Variants in PITPNC1 observed in about 807,000 individuals in gnomAD.
PITPNC1 encodes cytoplasmic phosphatidylinositol transfer protein 1.
Under a neutral mutation model 44.7 loss-of-function variants are expected in PITPNC1, and 18 were observed. That is an observed-to-expected ratio of 0.40 (90% CI 0.28 to 0.60). PITPNC1 has a LOEUF of 0.60. Ranked by LOEUF, PITPNC1 falls within the 20% of genes least tolerant of loss-of-function variation. The probability of loss-of-function intolerance (pLI) is 0.39; values close to 1 mark genes in which losing one functional copy is unlikely to be tolerated. For synonymous variants in PITPNC1, 141 were observed against 149.6 expected, an observed-to-expected ratio of 0.94 and a Z score of 0.42; for missense variants, 290 against 418.4, an observed-to-expected ratio of 0.69 and a Z score of 2.68.
Position 67,636,425 on chromosome 17 carries a change from C to T in PITPNC1, c.462+4187C>T, listed in dbSNP as rs557384571. Among the ~76,000 whole-genome samples, 14 of 152,314 alleles carry T rather than the reference C, an allele frequency of 9.2e-5. No individual in the cohort carries two copies. In the East Asian group the frequency reaches 1.7e-3, roughly 19 times the overall value. On this transcript the variant is annotated intron_variant, in intron 6 of 8. Transcript: ENST00000581322. ...TTGACGCTCAGGGCCACCCCTGGCC[C>T]GCCCTGGAGTCTTACGGTTACTAAA...
At chr17:67,427,440 C>T (rs2038785699) in intron 1 of PITPNC1, among the ~76,000 whole-genome samples, 1 of 152,084 alleles carries the variant, frequency 6.6e-6, no homozygotes, top group South Asian at 2.1e-4. Context: ...TCTTGATCTC[C>T]TGACCTTGTG....
intron 1 of PITPNC1, among the ~76,000 whole-genome samples, chr17:67,396,513 G>A (rs1263971659): frequency 6.6e-6 from 1 of 151,934 alleles, no homozygotes; most frequent in Non-Finnish European, 1.5e-5. Flanking sequence ...TGGGATTACA[G>A]GCACCGGCCA....
chr17:67,562,660 T>A (rs887808981), intron 4 of PITPNC1, among the ~76,000 whole-genome samples: 1 of 152,068 alleles, frequency 6.6e-6, no homozygotes, highest in African/African-American at 2.4e-5. Flanking sequence ...AAGTCATACG[T>A]AACCCTCACA....
chr17:67,425,335 CAG>C (rs1192715159), intron 1 of PITPNC1, among the ~76,000 whole-genome samples: 1 of 151,494 alleles, frequency 6.6e-6, no homozygotes, highest in East Asian at 2.0e-4. Context: ...ATGAACCCCT[CAG>C]AAATGGTCAC....
At chr17:67,395,843 T>C (rs2038212234) in intron 1 of PITPNC1, among the ~76,000 whole-genome samples, 2 of 152,316 alleles carry the variant, frequency 1.3e-5, no homozygotes, top group South Asian at 4.1e-4. Flanking sequence ...CATTTAGTCA[T>C]CGGGGTACAG....
chr17:67,585,868 G>T (rs77015389), intron 5 of PITPNC1, among the ~76,000 whole-genome samples: 11,076 of 152,250 alleles, frequency 0.073, 445 homozygotes, highest in South Asian at 0.11. Context: ...GCAGCCATCC[G>T]CAAGTCAAGG....
At chr17:67,432,605 A>G (rs1484119969) in intron 1 of PITPNC1, among the ~76,000 whole-genome samples, 1 of 152,216 alleles carries the variant, frequency 6.6e-6, no homozygotes, top group Admixed American at 6.5e-5. Context: ...TTTTTGTGAT[A>G]TCTGCCACCA....
chr17:67,437,335 TAGAG>T (rs1018908165), intron 1 of PITPNC1, among the ~76,000 whole-genome samples: 12 of 151,888 alleles, frequency 7.9e-5, no homozygotes, highest in East Asian at 1.9e-4. Flanking sequence ...GGAGCGGACA[TAGAG>T]AGACACAGGG....
chr17:67,450,550 C>T (rs996105535), intron 1 of PITPNC1, among the ~76,000 whole-genome samples: 12 of 152,002 alleles, frequency 7.9e-5, no homozygotes, highest in East Asian at 1.9e-4. Context: ...CTCAGCCTCT[C>T]GAGTAGCTGG....
chr17:67,633,463 C>T (rs892323062), intron 6 of PITPNC1, among the ~76,000 whole-genome samples: 7 of 152,182 alleles, frequency 4.6e-5, no homozygotes, highest in East Asian at 1.9e-4. Context: ...TAATTGCAGG[C>T]GCTTATGTTC....
intron 8 of PITPNC1, among the ~76,000 whole-genome samples, chr17:67,680,448 A>T (rs978116827): frequency 2.0e-5 from 3 of 152,076 alleles, no homozygotes; most frequent in African/African-American, 7.2e-5. Flanking sequence ...GAAAATACAA[A>T]AGTTAGCTAG....
intron 1 of PITPNC1, among the ~76,000 whole-genome samples, chr17:67,406,921 C>T (rs1256890014): frequency 6.6e-6 from 1 of 152,160 alleles, no homozygotes; most frequent in Non-Finnish European, 1.5e-5. Flanking sequence ...TATGGATATA[C>T]ATATATATTT....
At position 67,377,910 on chromosome 17, in the gene PITPNC1, C is replaced by T; in HGVS notation, c.-245C>T. The T allele has an allele frequency of 2.5e-6, 1 of 404,068 alleles. No individual in the cohort carries two copies. Among genetic ancestry groups the T allele is most frequent in the Non-Finnish European group, 4.4e-6 (1 of 229,882 alleles). The allele number at this position is 404,068 out of a possible 1,614,324, so 25.0% of individuals were successfully genotyped here. A position where few individuals can be genotyped will look rare whatever the true frequency, so the allele number is the denominator to read the frequency against. On this transcript the variant is annotated 5_prime_UTR_variant, in exon 1 of 9. Coordinates refer to ENST00000581322, the MANE Select transcript of PITPNC1 (RefSeq NM_012417.4). ...CTGCCTCCCTGACTTTGCAACACCG[C>T]GTTCCGGGAGGACCGGCCTCGGCGA...
intron 1 of PITPNC1, among the ~76,000 whole-genome samples, chr17:67,382,745 C>T (rs2037981983): frequency 6.6e-6 from 1 of 152,056 alleles, no homozygotes; most frequent in African/African-American, 2.4e-5. Flanking sequence ...CTGCCTCAGC[C>T]TCCCGAGTAG....
intron 5 of PITPNC1, among the ~76,000 whole-genome samples, chr17:67,611,089 C>T (rs953301000): frequency 6.6e-6 from 1 of 152,144 alleles, no homozygotes; most frequent in African/African-American, 2.4e-5. Flanking sequence ...TTCAGTCTAA[C>T]AGTTCAGTTC....
Position 67,509,451 on chromosome 17 carries a change from C to T in PITPNC1, c.49-23351C>T, listed in dbSNP as rs554853409. ...ACTTGGGAGGCTGAGGCAGAAGAAT[C>T]GCTTGAACCCAGGAGGTGGAGGTTG... On this transcript the variant is annotated intron_variant, in intron 1 of 8. Coordinates refer to ENST00000581322, the MANE Select transcript of PITPNC1 (RefSeq NM_012417.4). Among the ~76,000 whole-genome samples the T allele has an allele frequency of 1.2e-4, 18 of 151,946 alleles. No individual in the cohort carries two copies. In the East Asian group the frequency reaches 1.9e-3, roughly 16 times the overall value.
chr17:67,475,942 C>A (rs942533895), intron 1 of PITPNC1, among the ~76,000 whole-genome samples: 17 of 152,126 alleles, frequency 1.1e-4, no homozygotes, highest in Non-Finnish European at 2.1e-4. Context: ...GTAAAAAAAC[C>A]CCAGTGTCTC....
intron 4 of PITPNC1, among the ~76,000 whole-genome samples, chr17:67,573,813 G>A (rs983505237): frequency 3.9e-5 from 6 of 151,924 alleles, no homozygotes; most frequent in Admixed American, 1.3e-4. Flanking sequence ...CACACACCTC[G>A]GCCTCCCAAA....
At chr17:67,401,263 G>A (rs2143821160) in intron 1 of PITPNC1, among the ~76,000 whole-genome samples, 1 of 152,126 alleles carries the variant, frequency 6.6e-6, no homozygotes. Flanking sequence ...ATAAAATCAC[G>A]GAAAGAACCT....
Sources: gnomAD v4.1 joint callset for allele counts (sites outside exome capture counted in the v4.1 genomes callset) on GRCh38, gnomAD v4.1.1 for gene constraint, MANE v1.5 for transcripts, NCBI Gene and HGNC (gene_info 2026-07-23, HGNC 2026-07-21) for gene names.